The following MAF variants were observed in gnomAD, a reference collection of about 807,000 sequenced individuals.
MAF encodes the protein transcription factor Maf.
A neutral mutation model predicts 22.0 loss-of-function variants in MAF; 10 were observed. That is an observed-to-expected ratio of 0.45 (90% confidence interval 0.28 to 0.77). The LOEUF (loss-of-function observed/expected upper bound fraction) is 0.77. Ranked by LOEUF, MAF falls within the 30% of genes least tolerant of loss-of-function variation. The pLI is 0.12. For missense variants in MAF, 544 were observed against 548.4 expected, an observed-to-expected ratio of 0.99 and a Z score of 0.08; for synonymous variants, 337 against 255.8, an observed-to-expected ratio of 1.32 and a Z score of -3.03.
At chr16:79,324,284 G>A in the MAF span, among the ~76,000 whole-genome samples, 1 of 152,226 alleles carries the variant, frequency 6.6e-6, no homozygotes, top group South Asian at 2.1e-4. Flanking sequence ...TATTACAGTT[G>A]GTCTTTGAGC....
At chr16:79,458,686 T>C in the MAF span, among the ~76,000 whole-genome samples, 3 of 152,188 alleles carry the variant, frequency 2.0e-5, no homozygotes, top group African/African-American at 7.2e-5. Flanking sequence ...GTAAAAATAA[T>C]AGGCATGTTT....
chr16:79,404,164 C>A, the MAF span, among the ~76,000 whole-genome samples: 1 of 122,090 alleles, frequency 8.2e-6, no homozygotes, highest in Non-Finnish European at 1.7e-5. Flanking sequence ...TCTGGATTTT[C>A]TTTTTTTTTT....
At chr16:79,578,639 G>C in the MAF span, among the ~76,000 whole-genome samples, 274 of 152,188 alleles carry the variant, frequency 1.8e-3, 1 homozygote, top group South Asian at 2.5e-3. Flanking sequence ...ACAAATATTA[G>C]AGAAGCTTTG....
the MAF span, chr16:79,203,131 A>G: frequency 6.6e-6 from 1 of 152,222 alleles, no homozygotes; most frequent in Non-Finnish European, 1.5e-5. Flanking sequence ...GGTGAATGAA[A>G]TATCTATTGT....
At chr16:79,215,816 A>G in the MAF span, among the ~76,000 whole-genome samples, 1 of 152,210 alleles carries the variant, frequency 6.6e-6, no homozygotes, top group African/African-American at 2.4e-5. Context: ...TTGGGTCTGT[A>G]GGAGTCCTCA....
At chr16:79,275,214 G>T in the MAF span, among the ~76,000 whole-genome samples, 2 of 152,118 alleles carry the variant, frequency 1.3e-5, no homozygotes, top group African/African-American at 4.8e-5. Context: ...AAATTAGCTG[G>T]GTGTGGTGGT....
the MAF span, among the ~76,000 whole-genome samples, chr16:79,454,969 G>A: frequency 6.6e-6 from 1 of 151,932 alleles, no homozygotes; most frequent in African/African-American, 2.4e-5. Flanking sequence ...GGTGGCACGT[G>A]CCTGTAATCC....
At chr16:79,272,706 T>C in the MAF span, among the ~76,000 whole-genome samples, 1 of 152,200 alleles carries the variant, frequency 6.6e-6, no homozygotes, top group Non-Finnish European at 1.5e-5. Flanking sequence ...ATTTGTCCAT[T>C]CATTCATTCT....
chr16:79,488,797 T>C, the MAF span, among the ~76,000 whole-genome samples: 1 of 152,056 alleles, frequency 6.6e-6, no homozygotes, highest in East Asian at 1.9e-4. Flanking sequence ...TCATCAACCT[T>C]CCGGGAGCAT....
chr16:79,255,604 G>C, the MAF span, among the ~76,000 whole-genome samples: 1 of 152,164 alleles, frequency 6.6e-6, no homozygotes, highest in African/African-American at 2.4e-5. Flanking sequence ...TTAGCTGAGG[G>C]GGTCACAGAC....
the MAF span, chr16:79,516,390 TATG>T: frequency 6.6e-6 from 1 of 152,336 alleles, no homozygotes; most frequent in Non-Finnish European, 1.5e-5. Context: ...TGCTGTGTGC[TATG>T]ATAAATGATT....
chr16:79,300,604 A>C, the MAF span, among the ~76,000 whole-genome samples: 1 of 152,008 alleles, frequency 6.6e-6, no homozygotes, highest in Non-Finnish European at 1.5e-5. Flanking sequence ...CTCAAATCTC[A>C]AGATTATACT....
the MAF span, among the ~76,000 whole-genome samples, chr16:79,360,023 A>G: frequency 2.6e-5 from 4 of 152,112 alleles, no homozygotes; most frequent in Non-Finnish European, 5.9e-5. Context: ...ACCTGGAGCA[A>G]TTGGGGAAGA....
chr16:79,353,356 G>A, the MAF span, among the ~76,000 whole-genome samples: 1 of 152,054 alleles, frequency 6.6e-6, no homozygotes, highest in Non-Finnish European at 1.5e-5. Context: ...CTTGAACTGC[G>A]AAGCTCAAGT....
At chr16:79,547,129 G>T in the MAF span, among the ~76,000 whole-genome samples, 1 of 152,048 alleles carries the variant, frequency 6.6e-6, no homozygotes, top group Admixed American at 6.6e-5. Context: ...CAATGAGACA[G>T]ACGGTGCAGG....
chr16:79,210,600 C>T, the MAF span, among the ~76,000 whole-genome samples: 2 of 152,196 alleles, frequency 1.3e-5, no homozygotes, highest in African/African-American at 4.8e-5. Flanking sequence ...TTAGTGGATG[C>T]AGCTAGGGCT....
At chr16:79,375,030 C>T in the MAF span, among the ~76,000 whole-genome samples, 7 of 152,152 alleles carry the variant, frequency 4.6e-5, no homozygotes, top group Non-Finnish European at 8.8e-5. Flanking sequence ...TATCTTCTTA[C>T]TCTCAGTTTA....
chr16:79,537,490 G>A, the MAF span, among the ~76,000 whole-genome samples: 2 of 152,194 alleles, frequency 1.3e-5, no homozygotes, highest in Non-Finnish European at 2.9e-5. Flanking sequence ...AAGCCACACA[G>A]CTCTAAGTTC....
chr16:79,227,409 CTG>C, the MAF span, among the ~76,000 whole-genome samples: 5 of 152,078 alleles, frequency 3.3e-5, no homozygotes, highest in African/African-American at 1.2e-4. Context: ...CCTTTCATTG[CTG>C]TGTGTGTATG....
Sources: allele counts gnomAD v4.1 joint callset (sites outside exome capture counted in the v4.1 genomes callset), GRCh38; gene constraint gnomAD v4.1.1; transcripts MANE v1.5; gene names NCBI Gene and HGNC (gene_info 2026-07-23, HGNC 2026-07-21).